MYO5A: variants seen among roughly 807,000 people sequenced by gnomAD.
MYO5A encodes unconventional myosin-Va.
A neutral mutation model predicts 249.7 loss-of-function variants in MYO5A; 98 were observed. That is an observed-to-expected ratio of 0.39 (90% CI 0.33 to 0.46). The LOEUF (loss-of-function observed/expected upper bound fraction) is 0.46. Ranked by LOEUF, MYO5A falls within the 20% of genes least tolerant of loss-of-function variation. MYO5A has a pLI of 0.98. For synonymous variants in MYO5A, 778 were observed against 810.6 expected, an observed-to-expected ratio of 0.96 and a Z score of 0.68; for missense variants, 1,696 against 2,308.8, an observed-to-expected ratio of 0.73 and a Z score of 5.44.
chr15:52,389,772 G>A (rs1595578711), intron 12 of MYO5A, among the ~76,000 whole-genome samples: 2 of 152,250 alleles, frequency 1.3e-5, no homozygotes. Flanking sequence ...GACCAGAATG[G>A]AGAAACCCTG....
At chr15:52,445,150 G>A (rs949343996) in intron 1 of MYO5A, among the ~76,000 whole-genome samples, 8 of 152,162 alleles carry the variant, frequency 5.3e-5, no homozygotes, top group Non-Finnish European at 1.5e-5. Flanking sequence ...GGTGAGGCCT[G>A]GTGGGAGGTA....
At chr15:52,339,972 G>C (rs148876758) in intron 32 of MYO5A, among the ~76,000 whole-genome samples, 261 of 152,292 alleles carry the variant, frequency 1.7e-3, no homozygotes, top group Non-Finnish European at 2.9e-3. Flanking sequence ...CTCCAGGGCA[G>C]GTCTAAGAGC....
At chr15:52,461,340 A>G (rs958659599) in intron 1 of MYO5A, among the ~76,000 whole-genome samples, 2 of 152,174 alleles carry the variant, frequency 1.3e-5, no homozygotes, top group Admixed American at 1.3e-4. Context: ...TGTTTTTGCA[A>G]TTTTTTACAG....
At chr15:52,370,882 G>A (rs2041069635) in intron 21 of MYO5A, among the ~76,000 whole-genome samples, 1 of 152,118 alleles carries the variant, frequency 6.6e-6, no homozygotes, top group Admixed American at 6.5e-5. Context: ...GGAGGCCAAG[G>A]CAGGAGGATC....
At chr15:52,330,651 G>A in intron 34 of MYO5A, 152 bp from the exon 35 acceptor site, 1 of 922,988 alleles carries the variant, frequency 1.1e-6, no homozygotes, top group Non-Finnish European at 1.6e-6. Flanking sequence ...ATTTTTTTCT[G>A]TTAAAATTGG....
At chr15:52,525,473 AAAG>A (rs1347960381) in intron 1 of MYO5A, among the ~76,000 whole-genome samples, 1 of 152,228 alleles carries the variant, frequency 6.6e-6, no homozygotes, top group Non-Finnish European at 1.5e-5. Flanking sequence ...TTCTGGCTAA[AAAG>A]AAGAAATTGA....
chr15:52,333,876 T>C (rs1449110894), intron 34 of MYO5A, among the ~76,000 whole-genome samples: 3 of 152,232 alleles, frequency 2.0e-5, no homozygotes, highest in East Asian at 3.8e-4. Flanking sequence ...AACAGGCAGA[T>C]ACGAGGATGA....
intron 33 of MYO5A, among the ~76,000 whole-genome samples, chr15:52,336,961 G>A (rs2039149297): frequency 6.6e-6 from 1 of 152,322 alleles, no homozygotes; most frequent in East Asian, 1.9e-4. Context: ...AACTTAGGTA[G>A]GAACTGACAC....
intron 1 of MYO5A, among the ~76,000 whole-genome samples, chr15:52,490,143 G>A (rs1378556222): frequency 6.6e-6 from 1 of 152,198 alleles, no homozygotes; most frequent in Non-Finnish European, 1.5e-5. Flanking sequence ...CCCTGGTAAT[G>A]TAAAATGGTG....
At chr15:52,392,174 A>G (rs1484451627) in intron 11 of MYO5A, 104 bp from the exon 12 acceptor site, 39 of 1,142,222 alleles carry the variant, frequency 3.4e-5, no homozygotes, top group Non-Finnish European at 4.7e-5. Flanking sequence ...GCTTTCAACA[A>G]CAACAACCTC....
chr15:52,316,005 C>T (rs12900962), intron 40 of MYO5A, among the ~76,000 whole-genome samples: 30,042 of 151,512 alleles, frequency 0.2, 3,749 homozygotes, highest in East Asian at 0.56. Context: ...GAGGCTGAGG[C>T]GGGTGGATCA....
At chr15:52,370,975 T>C (rs2041076807) in intron 21 of MYO5A, among the ~76,000 whole-genome samples, 1 of 152,036 alleles carries the variant, frequency 6.6e-6, no homozygotes, top group African/African-American at 2.4e-5. Flanking sequence ...TAGCTAGACA[T>C]GGTGGTGTGT....
chr15:52,350,052 C>T (rs2039864873), intron 28 of MYO5A, among the ~76,000 whole-genome samples: 2 of 152,228 alleles, frequency 1.3e-5, no homozygotes, highest in Non-Finnish European at 2.9e-5. Context: ...CCTGCCTCAG[C>T]CTCCCAAGTA....
chr15:52,387,822 T>A lies in MYO5A; in HGVS notation c.1752+7A>T, dbSNP rs1427823339. ...TCCTGGATTAGAGTAAGCCTATCCA[T>A]AGTTACCTTGCTTGATTTAAGAACT... On this transcript the variant is annotated splice_region_variant and intron_variant, in intron 14 of 41. Coordinates refer to ENST00000399233, the MANE Select transcript of MYO5A (RefSeq NM_001382347.1). 6 of 1,580,022 alleles carry A rather than the reference T, an allele frequency of 3.8e-6. No individual in the cohort carries two copies. The Admixed American group carries it at 1.0e-4, about 26-fold the overall frequency.
In MYO5A at chr15:52,397,230, G is replaced by C. The variant is rs2042528374; in HGVS notation, c.1290C>G (p.His430Gln). ...AAATGTCTAGCACACCAATAAAAGA[G>C]TGCTGTTTGACAGCAGAATGGAGAG... ...NQALHSAVKQ[H>Q]SFIGVLDIYG... Residue 430 changes from histidine to glutamine, a missense_variant, in exon 10 of 42, where the codon CAC becomes CAG. Transcript: ENST00000399233. 6.2e-7 allele frequency: 1 copy of C among 1,613,960 alleles called. No homozygotes were observed. The highest frequency in any genetic ancestry group is 8.5e-7 in the Non-Finnish European group (1 of 1,179,990).
chr15:52,422,792 C>T (rs546765315), intron 4 of MYO5A, among the ~76,000 whole-genome samples: 1 of 152,190 alleles, frequency 6.6e-6, no homozygotes, highest in African/African-American at 2.4e-5. Context: ...TCTTGGCCCA[C>T]TGCAGCCTTC....
At chr15:52,392,376 G>A (rs932918404) in intron 11 of MYO5A, among the ~76,000 whole-genome samples, 4 of 152,198 alleles carry the variant, frequency 2.6e-5, no homozygotes, top group Non-Finnish European at 5.9e-5. Flanking sequence ...GGCTTCTTAA[G>A]TTATCGTAGA....
At chr15:52,414,000 C>T (rs1260359366) in intron 5 of MYO5A, among the ~76,000 whole-genome samples, 1 of 152,026 alleles carries the variant, frequency 6.6e-6, no homozygotes, top group East Asian at 1.9e-4. Context: ...AAATTTGATC[C>T]CCAATGTGAA....
intron 1 of MYO5A, among the ~76,000 whole-genome samples, chr15:52,495,785 G>C (rs749919914): frequency 3.9e-5 from 6 of 152,176 alleles, no homozygotes; most frequent in Admixed American, 3.3e-4. Context: ...TTTCTTGAGA[G>C]AGAATCCCTT....
Sources: gnomAD v4.1 joint callset for allele counts (sites outside exome capture counted in the v4.1 genomes callset) on GRCh38, gnomAD v4.1.1 for gene constraint, MANE v1.5 for transcripts, NCBI Gene and HGNC (gene_info 2026-07-23, HGNC 2026-07-21) for gene names.